EPHA6: variants seen among roughly 807,000 people sequenced by gnomAD.
EPHA6 encodes the protein EPH receptor A6, also known as ephrin type-A receptor 6.
EPHA6 carries 50 observed loss-of-function variants against 112.0 expected under a neutral mutation model. That is an observed-to-expected ratio of 0.45 (90% CI 0.36 to 0.56). The LOEUF is 0.56. EPHA6 is among the 20% of genes least tolerant of loss of function. The pLI is 0.00. For missense variants in EPHA6, 1,280 were observed against 1,417.4 expected, an observed-to-expected ratio of 0.90 and a Z score of 1.56; for synonymous variants, 529 against 490.7, an observed-to-expected ratio of 1.08 and a Z score of -1.03.
chr3:97,588,911 A>T (rs1291346241), intron 11 of EPHA6, among the ~76,000 whole-genome samples: 1 of 152,202 alleles, frequency 6.6e-6, no homozygotes, highest in Non-Finnish European at 1.5e-5. Context: ...AGATTAAGGA[A>T]TACATGTGCG....
At position 97,114,764 on chromosome 3, in the gene EPHA6, C is replaced by A. The variant is rs572739620; in HGVS notation, c.1115-111500C>A. Among the ~76,000 whole-genome samples the A allele has an allele frequency of 1.3e-3, 194 of 152,086 alleles. 1 individual carries two copies. Among genetic ancestry groups the A allele is most frequent in the South Asian group, 7.9e-3 (38 of 4,818 alleles). ...ACTATTTTGTAGCTTCTGTTGTGTACATAGGAGGGACAAAGATGAATAAGT... is the reference window on the plus strand; with the variant it reads ...ACTATTTTGTAGCTTCTGTTGTGTAAATAGGAGGGACAAAGATGAATAAGT... On this transcript the variant is annotated intron_variant, in intron 3 of 17. Coordinates refer to ENST00000389672, the MANE Select transcript of EPHA6 (RefSeq NM_001080448.3).
At chr3:97,313,691 T>C (rs1361430330) in intron 5 of EPHA6, among the ~76,000 whole-genome samples, 1 of 151,714 alleles carries the variant, frequency 6.6e-6, no homozygotes, top group South Asian at 2.1e-4. Context: ...TTTTGAGAAA[T>C]GCCTGTTGAA....
chr3:96,984,254 T>C (rs2107833082), intron 2 of EPHA6, among the ~76,000 whole-genome samples: 1 of 152,310 alleles, frequency 6.6e-6, no homozygotes, highest in Admixed American at 6.5e-5. Flanking sequence ...TTTCTGTTTG[T>C]TAGTTTTCCT....
At chr3:96,922,787 C>T (rs2039837375) in intron 2 of EPHA6, among the ~76,000 whole-genome samples, 1 of 152,108 alleles carries the variant, frequency 6.6e-6, no homozygotes, top group Admixed American at 6.5e-5. Context: ...GCTATTCTTC[C>T]TGATGCTCTC....
At chr3:97,663,100 T>A (rs2094180641) in intron 14 of EPHA6, among the ~76,000 whole-genome samples, 1 of 152,080 alleles carries the variant, frequency 6.6e-6, no homozygotes, top group Non-Finnish European at 1.5e-5. Flanking sequence ...AAGAAATACA[T>A]GAGAATGACA....
chr3:96,872,437 T>C (rs2036680724), intron 2 of EPHA6, among the ~76,000 whole-genome samples: 1 of 152,104 alleles, frequency 6.6e-6, no homozygotes, highest in South Asian at 2.1e-4. Flanking sequence ...TTGCTTTATG[T>C]AGATTTAAAT....
At chr3:97,361,497 C>A (rs908977557) in intron 5 of EPHA6, among the ~76,000 whole-genome samples, 1 of 151,842 alleles carries the variant, frequency 6.6e-6, no homozygotes, top group Non-Finnish European at 1.5e-5. Context: ...TGAAACTGGG[C>A]AATTTAAAAA....
At chr3:97,381,571 A>G (rs1239648927) in intron 5 of EPHA6, among the ~76,000 whole-genome samples, 1 of 152,134 alleles carries the variant, frequency 6.6e-6, no homozygotes, top group Admixed American at 6.6e-5. Context: ...GTTAAGTTAA[A>G]GAGACAAATA....
chr3:97,195,223 T>C (rs2108487074), intron 3 of EPHA6, among the ~76,000 whole-genome samples: 2 of 150,640 alleles, frequency 1.3e-5, no homozygotes, highest in South Asian at 4.2e-4. Context: ...CTTTTTACTT[T>C]TTGTGTAACT....
intron 3 of EPHA6, among the ~76,000 whole-genome samples, chr3:97,175,603 T>G (rs1031809480): frequency 6.6e-6 from 1 of 151,864 alleles, no homozygotes. Context: ...ATAGATCTCC[T>G]TCATTTCTTT....
chr3:97,208,797 C>T (rs2077785495), intron 3 of EPHA6, among the ~76,000 whole-genome samples: 1 of 151,800 alleles, frequency 6.6e-6, no homozygotes, highest in Admixed American at 6.6e-5. Flanking sequence ...ACATTGGGAA[C>T]ATCCATCTAC....
intron 3 of EPHA6, among the ~76,000 whole-genome samples, chr3:97,150,445 C>T (rs886208296): frequency 1.3e-5 from 2 of 152,204 alleles, no homozygotes; most frequent in East Asian, 1.9e-4. Context: ...TCTGCAGCAA[C>T]GTTTAGGCTA....
At chr3:96,949,183 C>T (rs893446645) in intron 2 of EPHA6, among the ~76,000 whole-genome samples, 9 of 151,772 alleles carry the variant, frequency 5.9e-5, no homozygotes, top group Non-Finnish European at 8.8e-5. Flanking sequence ...GATTGATAGA[C>T]GGAGAAAAAA....
chr3:97,498,670 G>A (rs2092043228), intron 10 of EPHA6, among the ~76,000 whole-genome samples: 2 of 152,102 alleles, frequency 1.3e-5, no homozygotes, highest in East Asian at 3.9e-4. Flanking sequence ...TATAACAGTG[G>A]TCCTCAACCC....
chr3:96,962,247 G>C (rs1043756838), intron 2 of EPHA6, among the ~76,000 whole-genome samples: 2 of 152,030 alleles, frequency 1.3e-5, no homozygotes, highest in Non-Finnish European at 2.9e-5. Context: ...CCACAGAACA[G>C]TGAAATGAAA....
chr3:97,107,709 G>A (rs911596729), intron 3 of EPHA6, among the ~76,000 whole-genome samples: 1 of 152,012 alleles, frequency 6.6e-6, no homozygotes, highest in East Asian at 1.9e-4. Flanking sequence ...TCATGTCCAT[G>A]TCTTCTATTA....
chr3:97,722,267 T>C (rs927693449), intron 15 of EPHA6, among the ~76,000 whole-genome samples: 1 of 152,204 alleles, frequency 6.6e-6, no homozygotes, highest in Non-Finnish European at 1.5e-5. Context: ...CAAGTACTAC[T>C]GTACTAATAT....
chr3:96,880,980 G>T (rs530478482), intron 2 of EPHA6, among the ~76,000 whole-genome samples: 2 of 152,186 alleles, frequency 1.3e-5, no homozygotes, highest in South Asian at 4.1e-4. Flanking sequence ...GTATTGCTGT[G>T]AACATGTGTG....
intron 2 of EPHA6, among the ~76,000 whole-genome samples, chr3:96,959,123 C>G (rs2041869380): frequency 6.6e-6 from 1 of 152,106 alleles, no homozygotes; most frequent in Non-Finnish European, 1.5e-5. Flanking sequence ...ACATTCCCAC[C>G]AGAAATGCTT....
Sources: gnomAD v4.1 joint callset for allele counts (sites outside exome capture counted in the v4.1 genomes callset) on GRCh38, gnomAD v4.1.1 for gene constraint, MANE v1.5 for transcripts, NCBI Gene and HGNC (gene_info 2026-07-23, HGNC 2026-07-21) for gene names.